JPH1: variants seen among roughly 807,000 people sequenced by gnomAD.
JPH1 encodes the protein junctophilin-1.
A neutral mutation model predicts 53.6 loss-of-function variants in JPH1; 12 were observed. That is an observed-to-expected ratio of 0.22 (90% CI 0.14 to 0.36). The LOEUF is 0.36. JPH1 is among the 10% of genes least tolerant of loss of function. The pLI is 1.00. For synonymous variants in JPH1, 375 were observed against 363.8 expected (o/e 1.03, Z -0.35); for missense variants, 808 against 905.5 (o/e 0.89, Z 1.38).
At chr8:74,277,343 T>C (rs1433679008) in intron 2 of JPH1, among the ~76,000 whole-genome samples, 2 of 152,208 alleles carry the variant, frequency 1.3e-5, no homozygotes, top group Non-Finnish European at 2.9e-5. Flanking sequence ...GCCGGCTACC[T>C]CAATCTACAG....
chr8:74,275,051 GAA>G (rs1367797123), intron 2 of JPH1, among the ~76,000 whole-genome samples: 84 of 152,198 alleles, frequency 5.5e-4, no homozygotes, highest in South Asian at 4.2e-4. Flanking sequence ...ATTTTTTGCT[GAA>G]TAAACATTAC....
intron 2 of JPH1, among the ~76,000 whole-genome samples, chr8:74,290,210 A>AT (rs1807283543): frequency 6.6e-6 from 1 of 152,240 alleles, no homozygotes; most frequent in Non-Finnish European, 1.5e-5. Context: ...CTGTTTGCAG[A>AT]TGACATGATT....
At chr8:74,266,943 T>C (rs980805054) in intron 2 of JPH1, among the ~76,000 whole-genome samples, 1 of 152,244 alleles carries the variant, frequency 6.6e-6, no homozygotes, top group Admixed American at 6.5e-5. Flanking sequence ...GACTTATGTG[T>C]GTTTCTCTAG....
chr8:74,305,218 TGA>T, intron 2 of JPH1, among the ~76,000 whole-genome samples: 1 of 152,352 alleles, frequency 6.6e-6, no homozygotes, highest in Admixed American at 6.5e-5. Flanking sequence ...TTGAGTAAAG[TGA>T]GATTGGCAGA....
chr8:74,246,354 C>T (rs1331952570), intron 3 of JPH1, among the ~76,000 whole-genome samples: 1 of 152,192 alleles, frequency 6.6e-6, no homozygotes. Context: ...TCACCCCAGA[C>T]AAACTCACTA....
intron 2 of JPH1, among the ~76,000 whole-genome samples, chr8:74,289,639 T>C (rs986144103): frequency 6.6e-6 from 1 of 152,182 alleles, no homozygotes; most frequent in Admixed American, 6.5e-5. Flanking sequence ...CCTTTCCCCA[T>C]GACCTTTCCT....
intron 2 of JPH1, among the ~76,000 whole-genome samples, chr8:74,292,649 T>TAAAA (rs397938293): frequency 0.39 from 59,043 of 150,348 alleles, 12,144 homozygotes; most frequent in African/African-American, 0.54. Flanking sequence ...ACACTGCTGT[T>TAAAA]AAAAAACAAA....
At chr8:74,270,875 A>G (rs1156775711) in intron 2 of JPH1, among the ~76,000 whole-genome samples, 2 of 151,930 alleles carry the variant, frequency 1.3e-5, no homozygotes, top group East Asian at 3.9e-4. Flanking sequence ...TTTAACCTTT[A>G]TTATCTCTGT....
chr8:74,260,518 T>A (rs1806359503), intron 2 of JPH1, among the ~76,000 whole-genome samples: 1 of 152,220 alleles, frequency 6.6e-6, no homozygotes, highest in Non-Finnish European at 1.5e-5. Context: ...TATATTTTAT[T>A]AGCACTAGGC....
At chr8:74,281,309 T>C (rs1235945470) in intron 2 of JPH1, among the ~76,000 whole-genome samples, 2 of 152,188 alleles carry the variant, frequency 1.3e-5, no homozygotes, top group Non-Finnish European at 2.9e-5. Context: ...CTTACTGTTA[T>C]CCTCCCTGGA....
intron 2 of JPH1, among the ~76,000 whole-genome samples, chr8:74,306,681 C>G (rs1807844783): frequency 6.6e-6 from 1 of 151,972 alleles, no homozygotes; most frequent in African/African-American, 2.4e-5. Context: ...TCACTGCAAC[C>G]TCTGCCTCCC....
intron 2 of JPH1, among the ~76,000 whole-genome samples, chr8:74,272,643 G>A (rs948242938): frequency 1.5e-5 from 2 of 134,730 alleles, no homozygotes; most frequent in Admixed American, 1.7e-4. Flanking sequence ...TCGCTCTGTC[G>A]CCCAGGCTGG....
At position 74,259,461 on chromosome 8, in the gene JPH1, G is replaced by C. The variant is rs748911255; in HGVS notation, c.1182C>G (p.Ala394=). Residue 394 remains alanine, a synonymous_variant, in exon 3 of 6, where the codon GCC becomes GCG. Transcript: ENST00000342232. ...ARAKADAADQ[A]ALAARQECDI... ...CGCACTCCTGGCGAGCGGCCAGCGC[G>C]GCCTGGTCGGCGGCATCGGCCTTCG... 3.1e-6 allele frequency: 5 copies of C among 1,613,042 alleles called. No individual in the cohort carries two copies. In the South Asian group the frequency reaches 5.5e-5, roughly 18 times the overall value.
chr8:74,256,252 TGAA>T (rs1806225930), intron 3 of JPH1, among the ~76,000 whole-genome samples: 1 of 152,064 alleles, frequency 6.6e-6, no homozygotes, highest in Admixed American at 6.5e-5. Context: ...GGGACATGGA[TGAA>T]GCTGGAGACC....
intron 2 of JPH1, among the ~76,000 whole-genome samples, chr8:74,263,118 A>C (rs1456676278): frequency 6.6e-6 from 1 of 152,244 alleles, no homozygotes; most frequent in African/African-American, 2.4e-5. Flanking sequence ...CCTCCTGCTA[A>C]GGTACACGTG....
At chr8:74,313,539 T>C (rs947430360) in intron 2 of JPH1, among the ~76,000 whole-genome samples, 3 of 146,890 alleles carry the variant, frequency 2.0e-5, no homozygotes, top group African/African-American at 7.5e-5. Context: ...CCTACTTATT[T>C]TTTAAGTAGA....
rs556569676 is a variant in JPH1, at chr8:74,256,508, G to A, written c.1258+2877C>T. On this transcript the variant is annotated intron_variant, in intron 3 of 5. Coordinates refer to ENST00000342232, the MANE Select transcript of JPH1 (RefSeq NM_020647.4). Reference sequence around the variant, plus strand: ...GTATACATATGTAACAAACCTGCACGTTGTGCACATGTACCCTAAAACTTA... The same window carrying A: ...GTATACATATGTAACAAACCTGCACATTGTGCACATGTACCCTAAAACTTA... Among the ~76,000 whole-genome samples the A allele has an allele frequency of 2.0e-3, 303 of 149,596 alleles. 2 individuals carry two copies. The highest frequency in any genetic ancestry group is 7.1e-3 in the African/African-American group (284 of 40,152).
chr8:74,287,727 C>T (rs1415786397), intron 2 of JPH1, among the ~76,000 whole-genome samples: 1 of 151,364 alleles, frequency 6.6e-6, no homozygotes, highest in Non-Finnish European at 1.5e-5. Flanking sequence ...AAATTCCACT[C>T]AGTGACGTGA....
chr8:74,251,633 T>A (rs1022875194), intron 3 of JPH1, among the ~76,000 whole-genome samples: 1 of 152,294 alleles, frequency 6.6e-6, no homozygotes, highest in Middle Eastern at 3.4e-3. Flanking sequence ...TTATTTAAAA[T>A]TTTTTTGATT....
Sources: allele counts gnomAD v4.1 joint callset (sites outside exome capture counted in the v4.1 genomes callset), GRCh38; gene constraint gnomAD v4.1.1; transcripts MANE v1.5; gene names NCBI Gene and HGNC (gene_info 2026-07-23, HGNC 2026-07-21).